TSEN2: variants seen among roughly 807,000 people sequenced by gnomAD.
The protein encoded by TSEN2 is tRNA splicing endonuclease subunit 2.
A neutral mutation model predicts 59.2 loss-of-function variants in TSEN2; 54 were observed. The ratio of observed to expected loss-of-function variants is 0.91; its 90% CI spans 0.73 to 1.14. The LOEUF is 1.14. Ranked by LOEUF, TSEN2 falls within the 50% of genes most tolerant of loss-of-function variation. TSEN2 has a pLI of 0.00. For missense variants in TSEN2, 636 were observed against 576.2 expected, an observed-to-expected ratio of 1.10 and a Z score of -1.06; for synonymous variants, 195 against 198.2, an observed-to-expected ratio of 0.98 and a Z score of 0.14.
intron 3 of TSEN2, among the ~76,000 whole-genome samples, chr3:12,492,434 C>T (rs866102831): frequency 5.3e-5 from 8 of 152,276 alleles, no homozygotes; most frequent in South Asian, 2.1e-4. Context: ...GTTAATTGGG[C>T]TTTTCTGTTG....
chr3:12,526,383 A>G (rs2057085553), intron 8 of TSEN2, among the ~76,000 whole-genome samples: 1 of 152,038 alleles, frequency 6.6e-6, no homozygotes, highest in African/African-American at 2.4e-5. Context: ...TACCATTTCT[A>G]TGTTTAGATA....
intron 6 of TSEN2, among the ~76,000 whole-genome samples, chr3:12,510,254 G>T (rs570786207): frequency 6.6e-6 from 1 of 152,250 alleles, no homozygotes; most frequent in Admixed American, 6.5e-5. Context: ...CCTTGCCACC[G>T]TCACCAGACT....
At chr3:12,492,326 C>T (rs1221600926) in intron 3 of TSEN2, 109 bp downstream of exon 3, 2 of 945,634 alleles carry the variant, frequency 2.1e-6, no homozygotes, top group Non-Finnish European at 3.3e-6. Flanking sequence ...AACATGTACA[C>T]TGGCAGTTTT....
chr3:12,526,626 G>C (rs1335473331), intron 8 of TSEN2, among the ~76,000 whole-genome samples: 1 of 152,144 alleles, frequency 6.6e-6, no homozygotes, highest in African/African-American at 2.4e-5. Flanking sequence ...GACTGTAATT[G>C]TTACTAGCAT....
chr3:12,520,563 G>A lies in TSEN2; in HGVS notation c.1099+1366G>A, dbSNP rs572149206. 7.9e-5 allele frequency among the ~76,000 whole-genome samples: 12 copies of A among 152,304 alleles called. No homozygotes were observed. The South Asian group carries it at 2.5e-3, about 32-fold the overall frequency. ...CCAGCACTTTGGGAGGCCGAGGCGG[G>A]CAGATCGCTTGAGGTCAGGAGTTTG... On this transcript the variant is annotated intron_variant, in intron 8 of 11. Coordinates refer to ENST00000284995, the MANE Select transcript of TSEN2 (RefSeq NM_025265.4).
intron 6 of TSEN2, among the ~76,000 whole-genome samples, chr3:12,509,294 G>A (rs548670010): frequency 2.0e-5 from 3 of 151,102 alleles, no homozygotes; most frequent in Admixed American, 6.6e-5. Context: ...TCTGCCTCCC[G>A]GGTTCAAGTG....
At chr3:12,508,889 T>G (rs919267992) in intron 6 of TSEN2, among the ~76,000 whole-genome samples, 1 of 152,184 alleles carries the variant, frequency 6.6e-6, no homozygotes, top group Non-Finnish European at 1.5e-5. Flanking sequence ...GAGACAGGGT[T>G]TCTCTCTGTT....
intron 1 of TSEN2, 107 bp from the exon 2 acceptor site, chr3:12,489,677 C>T: frequency 1.1e-6 from 1 of 892,718 alleles, no homozygotes; most frequent in Non-Finnish European, 1.8e-6. Flanking sequence ...CTATTTCTTC[C>T]CACAGACCAC....
intron 6 of TSEN2, 122 bp downstream of exon 6, chr3:12,505,353 A>T (rs2054699967): frequency 6.8e-6 from 5 of 736,400 alleles, no homozygotes; most frequent in Non-Finnish European, 1.2e-5. Flanking sequence ...GTAATTCAGT[A>T]TTGAAATCAC....
intron 8 of TSEN2, among the ~76,000 whole-genome samples, chr3:12,520,514 G>C (rs1026041078): frequency 3.9e-5 from 6 of 152,100 alleles, no homozygotes; most frequent in African/African-American, 1.4e-4. Flanking sequence ...TTAGGGCCAG[G>C]TGCGGTGGCT....
chr3:12,502,245 T>C (rs2054342796), intron 4 of TSEN2, among the ~76,000 whole-genome samples: 1 of 152,152 alleles, frequency 6.6e-6, no homozygotes, highest in Non-Finnish European at 1.5e-5. Flanking sequence ...AGATCCAAAA[T>C]TGAAAATAAT....
At chr3:12,499,175 G>C (rs1050709716) in intron 4 of TSEN2, among the ~76,000 whole-genome samples, 1 of 152,118 alleles carries the variant, frequency 6.6e-6, no homozygotes, top group Non-Finnish European at 1.5e-5. Context: ...CACCTTCTGC[G>C]TAACTCTTTC....
intron 11 of TSEN2, 152 bp downstream of exon 11, chr3:12,531,811 C>T (rs1325632317): frequency 4.6e-6 from 3 of 656,250 alleles, no homozygotes; most frequent in Non-Finnish European, 8.2e-6. Flanking sequence ...ACCTTTTCCC[C>T]ATTGAACCCA....
At chr3:12,488,637 G>C (rs1343925696) in intron 1 of TSEN2, among the ~76,000 whole-genome samples, 1 of 152,142 alleles carries the variant, frequency 6.6e-6, no homozygotes, top group Non-Finnish European at 1.5e-5. Context: ...TTATATACTT[G>C]TTTTGTCTCC....
At chr3:12,521,866 C>T (rs895338688) in intron 8 of TSEN2, among the ~76,000 whole-genome samples, 3 of 152,022 alleles carry the variant, frequency 2.0e-5, no homozygotes, top group African/African-American at 7.2e-5. Flanking sequence ...AAAAAATTAG[C>T]CAGACGTGGT....
chr3:12,518,088 A>G (rs113313999), intron 7 of TSEN2, among the ~76,000 whole-genome samples: 32 of 152,320 alleles, frequency 2.1e-4, no homozygotes, highest in African/African-American at 7.5e-4. Context: ...AAACTTACCT[A>G]GTTATTTTGT....
intron 5 of TSEN2, among the ~76,000 whole-genome samples, chr3:12,504,427 AAAAT>A (rs1439291764): frequency 6.6e-6 from 1 of 151,854 alleles, no homozygotes; most frequent in Non-Finnish European, 1.5e-5. Flanking sequence ...ACTAAAAACA[AAAAT>A]AAATTGCTGG....
chr3:12,526,238 G>A (rs1258645327), intron 8 of TSEN2, among the ~76,000 whole-genome samples: 2 of 152,064 alleles, frequency 1.3e-5, no homozygotes, highest in African/African-American at 2.4e-5. Context: ...GAGTACAGTA[G>A]CACACAGTAC....
At chr3:12,515,583 G>A (rs2055982959) in intron 6 of TSEN2, among the ~76,000 whole-genome samples, 1 of 152,188 alleles carries the variant, frequency 6.6e-6, no homozygotes, top group Admixed American at 6.5e-5. Flanking sequence ...TAGACCCTAA[G>A]CGCCCTGGAC....
Sources: gnomAD v4.1 joint callset for allele counts (sites outside exome capture counted in the v4.1 genomes callset) on GRCh38, gnomAD v4.1.1 for gene constraint, MANE v1.5 for transcripts, NCBI Gene and HGNC (gene_info 2026-07-23, HGNC 2026-07-21) for gene names.